The following NBEA variants were observed in gnomAD, a reference collection of about 807,000 sequenced individuals.
NBEA encodes neurobeachin.
Under a neutral mutation model 343.4 loss-of-function variants are expected in NBEA, and 44 were observed. The observed-to-expected ratio is 0.13, with a 90% CI of 0.10 to 0.16. The LOEUF (loss-of-function observed/expected upper bound fraction) is 0.16, where lower values mean the gene tolerates loss of function less well. NBEA is among the 10% of genes least tolerant of loss of function. The pLI, the probability that NBEA is intolerant of heterozygous loss-of-function variation, is 1.00. For missense variants in NBEA, 2,555 were observed against 3,631.3 expected (o/e 0.70, Z 7.62); for synonymous variants, 1,175 against 1,238.7 (o/e 0.95, Z 1.08).
chr13:34,998,144 G>T (rs1328029397), intron 1 of NBEA, among the ~76,000 whole-genome samples: 2 of 152,044 alleles, frequency 1.3e-5, no homozygotes, highest in Admixed American at 6.6e-5. Flanking sequence ...TCACATGTTG[G>T]CAGGTTCCAT....
rs74051211 is a variant in NBEA, at chr13:35,009,520, C to T, written c.295-31413C>T. 7.1e-3 allele frequency among the ~76,000 whole-genome samples: 1,077 copies of T among 152,190 alleles called. 21 individuals carry two copies. The highest frequency in any genetic ancestry group is 0.024 in the African/African-American group (1,016 of 41,514). ...AGTCAAAAATGAGCTGTCCCACTGT[C>T]CAAGCAAGAGTATGGCTGGAGCAGA... On this transcript the variant is annotated intron_variant, in intron 1 of 58. Coordinates refer to ENST00000379939, the MANE Select transcript of NBEA (RefSeq NM_001385012.1).
intron 1 of NBEA, among the ~76,000 whole-genome samples, chr13:35,003,904 G>A (rs112384583): frequency 2.6e-5 from 4 of 152,202 alleles, no homozygotes; most frequent in African/African-American, 4.8e-5. Flanking sequence ...AGCCCTGCAC[G>A]CATTAGCCAT....
At chr13:35,012,581 C>T (rs1471333873) in intron 1 of NBEA, among the ~76,000 whole-genome samples, 1 of 152,174 alleles carries the variant, frequency 6.6e-6, no homozygotes, top group Non-Finnish European at 1.5e-5. Context: ...TGAAAAGTTC[C>T]ATGCCAAATT....
In NBEA at chr13:35,475,433, C is replaced by T. The variant is rs1410180245; in HGVS notation, c.6585+2897C>T. 4 of 1,613,486 alleles carry T rather than the reference C, an allele frequency of 2.5e-6. No individual in the cohort carries two copies. In the East Asian group the frequency reaches 8.9e-5, roughly 36 times the overall value. On this transcript the variant is annotated intron_variant, in intron 41 of 58. Coordinates refer to ENST00000379939, the MANE Select transcript of NBEA (RefSeq NM_001385012.1). ...CCCATCTGCAGTCTGTTCTCTGCCT[C>T]CGCGAACTGCAGCACCCAGGCGTCG...
At chr13:35,557,893 C>T (rs2079654487) in intron 44 of NBEA, among the ~76,000 whole-genome samples, 1 of 151,998 alleles carries the variant, frequency 6.6e-6, no homozygotes, top group African/African-American at 2.4e-5. Context: ...ATGGTGTATT[C>T]AGTGGACAGA....
rs558244206 is a variant in NBEA, at chr13:35,344,487, TTAAC to T, written c.5904-4617_5904-4614del. Among the ~76,000 whole-genome samples, 337 of 152,042 alleles carry T rather than the reference TTAAC, an allele frequency of 2.2e-3. 1 individual carries two copies. The highest frequency in any genetic ancestry group is 7.0e-3 in the Middle Eastern group (2 of 284). The stretch of plus-strand genomic sequence containing the variant: ...ATTAACAAAGATAAATGTTTATTCA[TTAAC>T]TAATAATAAATGAGCAAACTCTTCT... On this transcript the variant is annotated intron_variant, in intron 36 of 58. Coordinates refer to ENST00000379939, the MANE Select transcript of NBEA (RefSeq NM_001385012.1).
chr13:35,340,753 G>T (rs1229628059), intron 36 of NBEA, among the ~76,000 whole-genome samples: 2 of 151,836 alleles, frequency 1.3e-5, no homozygotes, highest in African/African-American at 2.4e-5. Flanking sequence ...ATTAAAGAGG[G>T]TATAAATAAG....
At chr13:35,188,443 T>G (rs1348019167) in intron 30 of NBEA, among the ~76,000 whole-genome samples, 3 of 152,138 alleles carry the variant, frequency 2.0e-5, no homozygotes, top group East Asian at 1.9e-4. Flanking sequence ...TCTTTACTTC[T>G]GTGAGTTCAA....
At chr13:35,476,002 T>A in intron 41 of NBEA, 1 of 1,614,218 alleles carries the variant, frequency 6.2e-7, no homozygotes, top group Non-Finnish European at 8.5e-7. Flanking sequence ...CTCCTGCACT[T>A]CCACTTCCTT....
intron 40 of NBEA, among the ~76,000 whole-genome samples, chr13:35,457,818 C>T (rs1165508132): frequency 6.6e-6 from 1 of 151,726 alleles, no homozygotes; most frequent in African/African-American, 2.4e-5. Context: ...CCGTGTTAGC[C>T]GTATGGTCTC....
chr13:35,216,770 A>G (rs1332897689), intron 33 of NBEA, among the ~76,000 whole-genome samples: 3 of 151,928 alleles, frequency 2.0e-5, no homozygotes, highest in South Asian at 2.1e-4. Context: ...GTCATATTCT[A>G]TGGTACGGAT....
chr13:35,487,915 A>G (rs1472422529), intron 41 of NBEA, among the ~76,000 whole-genome samples: 2 of 151,890 alleles, frequency 1.3e-5, no homozygotes, highest in East Asian at 1.9e-4. Flanking sequence ...TATTACTCCT[A>G]GAATGGATTG....
At chr13:35,555,417 A>G (rs1047687818) in intron 44 of NBEA, among the ~76,000 whole-genome samples, 1 of 152,140 alleles carries the variant, frequency 6.6e-6, no homozygotes, top group Non-Finnish European at 1.5e-5. Context: ...TAATTTCACT[A>G]CTTTGTCATT....
In NBEA at chr13:35,651,889, A is replaced by G; in HGVS notation, c.8035+13A>G. On this transcript the variant is annotated intron_variant, in intron 53 of 58. Coordinates refer to ENST00000379939, the MANE Select transcript of NBEA (RefSeq NM_001385012.1). ...GATCCATTAATAGGTATGTTAATAA[A>G]AAAGAATAAATTTTCATGGATACTA... The G allele has an allele frequency of 6.9e-7, 1 of 1,455,046 alleles. No individual in the cohort carries two copies. Among genetic ancestry groups the G allele is most frequent in the Middle Eastern group, 1.7e-4 (1 of 5,786 alleles). The allele number at this position is 1,455,046 out of a possible 1,614,324, so 90.1% of individuals were successfully genotyped here. A position where few individuals can be genotyped will look rare whatever the true frequency, so the allele number is the denominator to read the frequency against.
intron 40 of NBEA, among the ~76,000 whole-genome samples, chr13:35,460,935 C>T (rs1594714268): frequency 6.6e-6 from 1 of 152,330 alleles, no homozygotes; most frequent in East Asian, 1.9e-4. Flanking sequence ...GTCCTGAGGC[C>T]GTACCCGGCA....
At chr13:35,254,612 G>A (rs1054831769) in intron 34 of NBEA, among the ~76,000 whole-genome samples, 36 of 151,774 alleles carry the variant, frequency 2.4e-4, no homozygotes, top group African/African-American at 8.2e-4. Context: ...ATGAGCCACC[G>A]TGCCAGGCCT....
At chr13:35,596,931 C>G (rs1350702323) in intron 47 of NBEA, among the ~76,000 whole-genome samples, 1 of 151,900 alleles carries the variant, frequency 6.6e-6, no homozygotes, top group Non-Finnish European at 1.5e-5. Flanking sequence ...GAGATGGCAG[C>G]TTTAAAACCT....
chr13:35,021,818 G>C (rs1045131146), intron 1 of NBEA, among the ~76,000 whole-genome samples: 1 of 152,016 alleles, frequency 6.6e-6, no homozygotes, highest in African/African-American at 2.4e-5. Context: ...ATTATCTTAA[G>C]CCCATAGTAC....
intron 34 of NBEA, among the ~76,000 whole-genome samples, chr13:35,250,851 G>A (rs988760678): frequency 6.6e-6 from 1 of 152,174 alleles, no homozygotes; most frequent in African/African-American, 2.4e-5. Flanking sequence ...TACCATAAAA[G>A]CTTAACACAT....
Sources: gnomAD v4.1 joint callset for allele counts (sites outside exome capture counted in the v4.1 genomes callset) on GRCh38, gnomAD v4.1.1 for gene constraint, MANE v1.5 for transcripts, NCBI Gene and HGNC (gene_info 2026-07-23, HGNC 2026-07-21) for gene names.